The following NFKBIA variants were observed in gnomAD, a reference collection of about 807,000 sequenced individuals.
NFKBIA encodes the protein NFKB inhibitor alpha, also known as NF-kappa-B inhibitor alpha.
In NFKBIA, 10 loss-of-function variants were observed where a neutral mutation model predicts 36.3. The ratio of observed to expected loss-of-function variants is 0.28; its 90% confidence interval spans 0.17 to 0.47. The LOEUF is 0.47. Among genes scored for constraint, NFKBIA ranks in the 20% least tolerant of loss-of-function variants. The probability of loss-of-function intolerance (pLI) is 0.99; values close to 1 mark genes in which losing one functional copy is unlikely to be tolerated. For synonymous variants in NFKBIA, 205 were observed against 164.4 expected, an observed-to-expected ratio of 1.25 and a Z score of -1.89; for missense variants, 355 against 399.3, an observed-to-expected ratio of 0.89 and a Z score of 0.94.
At chr14:35,403,822 C>T in intron 1 of NFKBIA, 24 bp from the exon 2 acceptor site, 2 of 1,575,624 alleles carry the variant, frequency 1.3e-6, no homozygotes, top group Non-Finnish European at 1.7e-6. Context: ...AGGGAAAAAC[C>T]CCAGGGGTGG....
Position 35,402,533 on chromosome 14 carries a change from A to T in NFKBIA, c.767T>A (p.Leu256His). 1.9e-6 allele frequency: 3 copies of T among 1,614,150 alleles called. No homozygotes were observed. The highest frequency in any genetic ancestry group is 2.5e-6 in the Non-Finnish European group (3 of 1,180,034). ...VTYQGYSPYQLTWGRPSTRIQ... is the reference protein window; with the variant it reads ...VTYQGYSPYQHTWGRPSTRIQ... ...CCGGGTGCTTGGGCGGCCCCAGGTG[A>T]GCTGGTAGGGAGAATAGCCCTGGTA... is the stretch of plus-strand genomic sequence containing the variant. Residue 256 changes from leucine (L) to histidine (H), a missense_variant, in exon 5 of 6, where the codon CTC becomes CAC. Coordinates refer to ENST00000216797, the MANE Select transcript of NFKBIA (RefSeq NM_020529.3).
chr14:35,402,677 G>T lies in NFKBIA; in HGVS notation c.637-14C>A. 6.2e-7 allele frequency: 1 copy of T among 1,614,186 alleles called. No homozygotes were observed. On this transcript the variant is annotated splice_polypyrimidine_tract_variant and intron_variant, in intron 4 of 5. Coordinates refer to ENST00000216797, the MANE Select transcript of NFKBIA (RefSeq NM_020529.3). ...ATTACAGGGCTCCTGAAACCAAAAG[G>T]AATTTGAGATGCTTATGGCTGCATT...
chr14:35,402,987 C>G, intron 3 of NFKBIA, 128 bp from the exon 4 acceptor site: 1 of 1,257,034 alleles, frequency 8.0e-7, no homozygotes, highest in Non-Finnish European at 1.1e-6. Context: ...TCTGAAAGAA[C>G]TTTATAAAGG....
chr14:35,404,164 G>T (rs1029667459), intron 1 of NFKBIA: 4 of 268,822 alleles, frequency 1.5e-5, no homozygotes. Flanking sequence ...GGACGGGTCT[G>T]GGGGGAGGGG....
intron 2 of NFKBIA, 129 bp downstream of exon 2, chr14:35,403,561 C>T: frequency 1.1e-6 from 1 of 870,766 alleles, no homozygotes; most frequent in South Asian, 1.4e-5. Flanking sequence ...AGGATGTGGG[C>T]TGATGTGAAG....
intron 3 of NFKBIA, 61 bp downstream of exon 3, chr14:35,403,089 G>A (rs765521465): frequency 3.5e-5 from 55 of 1,568,756 alleles, no homozygotes; most frequent in Non-Finnish European, 4.5e-5. Flanking sequence ...TGGCCCACCT[G>A]CCCCTTCTCC....
Position 35,402,412 on chromosome 14 carries a change from C to A in NFKBIA, c.888G>T (p.Thr296=). The part of the protein sequence containing the change: ...EESYDTESEF[T]EFTEDELPYD... ...GACTCACCTCGTCCTCTGTGAACTCCGTGAACTCTGACTCTGTGTCATAGC... is the reference window on the plus strand; with the variant it reads ...GACTCACCTCGTCCTCTGTGAACTCAGTGAACTCTGACTCTGTGTCATAGC... Residue 296 remains threonine (T), a synonymous_variant, in exon 5 of 6, where the codon ACG becomes ACT. Coordinates refer to ENST00000216797, the MANE Select transcript of NFKBIA (RefSeq NM_020529.3). The A allele has an allele frequency of 6.2e-7, 1 of 1,614,114 alleles. No individual in the cohort carries two copies. Among genetic ancestry groups the A allele is most frequent in the Non-Finnish European group, 8.5e-7 (1 of 1,180,012 alleles).
chr14:35,402,259 A>G (rs1053506035), intron 5 of NFKBIA, 135 bp downstream of exon 5: 9 of 688,352 alleles, frequency 1.3e-5, no homozygotes, highest in Middle Eastern at 3.7e-4. Flanking sequence ...CATTCTTGGG[A>G]TACTGGTTAT....
rs1297953541 is a variant in NFKBIA at position 35,404,690 on chromosome 14, G to GGCTGCGC, written c.-53_-47dup. On this transcript the variant is annotated 5_prime_UTR_variant, in exon 1 of 6. Coordinates refer to ENST00000216797, the MANE Select transcript of NFKBIA (RefSeq NM_020529.3). ...GCTGCTGCGGGTGCGCTGGGCCGCG[G>GGCTGCGC]GCTGCGCGCTGCTTCCTCGCTGGGG... 1.5e-5 allele frequency: 19 copies of GGCTGCGC among 1,304,654 alleles called. No individual in the cohort carries two copies. In the Admixed American group the frequency reaches 1.5e-4, roughly 11 times the overall value. The allele number at this position is 1,304,654 out of a possible 1,614,324, so 80.8% of individuals were successfully genotyped here. A position where few individuals can be genotyped will look rare whatever the true frequency, so the allele number is the denominator to read the frequency against.
intron 5 of NFKBIA, 39 bp downstream of exon 5, chr14:35,402,355 C>T: frequency 6.2e-7 from 1 of 1,613,250 alleles, no homozygotes; most frequent in South Asian, 1.1e-5. Context: ...GGGAATGGCA[C>T]CTCATTAGTT....
chr14:35,403,014 T>G (rs1372385166), intron 3 of NFKBIA, 136 bp downstream of exon 3: 2 of 1,260,142 alleles, frequency 1.6e-6, no homozygotes, highest in African/African-American at 3.0e-5. Context: ...ATAGGCACTT[T>G]GCACACATAT....
chr14:35,402,708 T>C (rs745318824), intron 4 of NFKBIA, 45 bp from the exon 5 acceptor site: 1 of 1,614,178 alleles, frequency 6.2e-7, no homozygotes, highest in Admixed American at 1.7e-5. Flanking sequence ...GCATTTGGAA[T>C]TTCTGCTCAC....
chr14:35,402,675 A>G lies in NFKBIA; in HGVS notation c.637-12T>C, dbSNP rs2052740453. 6.2e-7 allele frequency: 1 copy of G among 1,614,232 alleles called. No homozygotes were observed. The highest frequency in any genetic ancestry group is 2.2e-5 in the East Asian group (1 of 44,884). The stretch of plus-strand genomic sequence containing the variant: ...CCATTACAGGGCTCCTGAAACCAAA[A>G]GGAATTTGAGATGCTTATGGCTGCA... On this transcript the variant is annotated splice_polypyrimidine_tract_variant and intron_variant, in intron 4 of 5. Transcript: ENST00000216797.
chr14:35,403,744 G>A lies in NFKBIA; in HGVS notation c.282C>T (p.Ile94=), dbSNP rs2233413. 1.9e-6 allele frequency: 3 copies of A among 1,613,932 alleles called. No homozygotes were observed. In the African/African-American group the frequency reaches 4.0e-5, roughly 22 times the overall value. ...HEEKALTMEV[I]RQVKGDLAFL... Reference sequence around the variant, plus strand: ...AGGCCAGGTCTCCCTTCACCTGGCGGATCACTTCCATGGTCAGTGCCTTTT... The same window carrying A: ...AGGCCAGGTCTCCCTTCACCTGGCGAATCACTTCCATGGTCAGTGCCTTTT... Residue 94 remains isoleucine (I), a synonymous_variant, in exon 2 of 6, where the codon ATC becomes ATT. Coordinates refer to ENST00000216797, the MANE Select transcript of NFKBIA (RefSeq NM_020529.3).
chr14:35,401,837 C>A lies in NFKBIA; in HGVS notation c.*176G>T. On this transcript the variant is annotated 3_prime_UTR_variant, in exon 6 of 6. Coordinates refer to ENST00000216797, the MANE Select transcript of NFKBIA (RefSeq NM_020529.3). ...TTTCTCGTCCCCTACAAAAAGTTCACAAAAGCAACAAAATGAGGGCTGATC... is the reference window on the plus strand; with the variant it reads ...TTTCTCGTCCCCTACAAAAAGTTCAAAAAAGCAACAAAATGAGGGCTGATC... 1.4e-6 allele frequency: 1 copy of A among 691,508 alleles called. No individual in the cohort carries two copies. The highest frequency in any genetic ancestry group is 2.5e-6 in the Non-Finnish European group (1 of 402,560). The allele number at this position is 691,508 out of a possible 1,614,324, so 42.8% of individuals were successfully genotyped here.
chr14:35,401,671 T>C lies in NFKBIA; in HGVS notation c.*342A>G, dbSNP rs1289882931. 2.4e-6 allele frequency: 1 copy of C among 417,134 alleles called. No homozygotes were observed. The highest frequency in any genetic ancestry group is 4.4e-6 in the Non-Finnish European group (1 of 229,046). The allele number at this position is 417,134 out of a possible 1,614,324, so 25.8% of individuals were successfully genotyped here. A position where few individuals can be genotyped will look rare whatever the true frequency, so the allele number is the denominator to read the frequency against. ...ACGCTTAACACTCCTGGCTGTTACA[T>C]GTCACAGGATACCACTGGGGTCAGT... On this transcript the variant is annotated 3_prime_UTR_variant, in exon 6 of 6. Transcript: ENST00000216797.
In NFKBIA at chr14:35,401,864, TACC is replaced by T; in HGVS notation, c.*146_*148del. ...AAAGCAACAAAATGAGGGCTGATCC[TACC>T]ACAATAAGACGTTTTGGGCCAGGCA... is the stretch of plus-strand genomic sequence containing the variant. On this transcript the variant is annotated 3_prime_UTR_variant, in exon 6 of 6. Coordinates refer to ENST00000216797, the MANE Select transcript of NFKBIA (RefSeq NM_020529.3). 2 of 832,828 alleles carry T rather than the reference TACC, an allele frequency of 2.4e-6. No homozygotes were observed. The highest frequency in any genetic ancestry group is 2.0e-6 in the Non-Finnish European group (1 of 505,852). The allele number at this position is 832,828 out of a possible 1,614,324, so 51.6% of individuals were successfully genotyped here.
chr14:35,402,339 G>A (rs1459155108), intron 5 of NFKBIA, 55 bp downstream of exon 5: 7 of 1,605,484 alleles, frequency 4.4e-6, no homozygotes, highest in African/African-American at 2.7e-5. Context: ...GGCCTGGGAG[G>A]GTGAAGGGAA....
In NFKBIA at chr14:35,402,731, A is replaced by T. The variant is rs2052741125; in HGVS notation, c.636+40T>A. On this transcript the variant is annotated intron_variant, in intron 4 of 5. Transcript: ENST00000216797. ...AATTTCTGCTCACAACATAAGCACG[A>T]GGAGCCTGACTCAGTGCGTCGGGGG... is the stretch of plus-strand genomic sequence containing the variant. The T allele has an allele frequency of 1.9e-6, 3 of 1,613,882 alleles. No homozygotes were observed. The East Asian group carries it at 6.7e-5, about 36-fold the overall frequency.
Sources: allele counts gnomAD v4.1 joint callset, GRCh38; gene constraint gnomAD v4.1.1; transcripts MANE v1.5; gene names NCBI Gene and HGNC (gene_info 2026-07-23, HGNC 2026-07-21).